STK39: variants seen among roughly 807,000 people sequenced by gnomAD.
STK39 encodes STE20/SPS1-related proline-alanine-rich protein kinase.
In STK39, 20 loss-of-function variants were observed where a neutral mutation model predicts 77.8. That is an observed-to-expected ratio of 0.26 (90% CI 0.18 to 0.37). The LOEUF (loss-of-function observed/expected upper bound fraction) is 0.37. STK39 is among the 10% of genes least tolerant of loss of function. The pLI is 1.00. For missense variants in STK39, 479 were observed against 656.5 expected (o/e 0.73, Z 2.95); for synonymous variants, 246 against 234.1 (o/e 1.05, Z -0.47).
In STK39 at chr2:167,954,692, A is replaced by G. The variant is rs1454642602; in HGVS notation, c.*804T>C. The G allele has an allele frequency of 6.6e-6, 1 of 152,650 alleles. No individual in the cohort carries two copies. Among genetic ancestry groups the G allele is most frequent in the African/African-American group, 2.4e-5 (1 of 41,464 alleles). The allele number at this position is 152,650 out of a possible 1,614,324, so 9.5% of individuals were successfully genotyped here. On this transcript the variant is annotated 3_prime_UTR_variant, in exon 18 of 18. Transcript: ENST00000355999. ...TCCAGAGTAAAGCAGCCTCAGGCAC[A>G]TTCTTAATGTGAAAGTTTGCAAGGC... is the stretch of plus-strand genomic sequence containing the variant.
chr2:168,177,274 C>T (rs1046441793), intron 2 of STK39, among the ~76,000 whole-genome samples: 3 of 151,990 alleles, frequency 2.0e-5, no homozygotes, highest in African/African-American at 7.3e-5. Context: ...TGCTTTGCCT[C>T]GTCCCCGGGC....
chr2:168,105,924 G>C (rs1157334759), intron 10 of STK39, among the ~76,000 whole-genome samples: 1 of 152,224 alleles, frequency 6.6e-6, no homozygotes, highest in East Asian at 1.9e-4. Flanking sequence ...TTACCTTGCA[G>C]TCCTAGTGTA....
intron 10 of STK39, among the ~76,000 whole-genome samples, chr2:168,108,474 G>C (rs552490602): frequency 6.6e-6 from 1 of 152,172 alleles, no homozygotes; most frequent in South Asian, 2.1e-4. Context: ...CTTGAGACTG[G>C]GAGGTCAAGA....
chr2:168,172,975 C>T (rs1003971152), intron 2 of STK39, among the ~76,000 whole-genome samples: 28 of 152,290 alleles, frequency 1.8e-4, no homozygotes, highest in Admixed American at 9.2e-4. Flanking sequence ...AGGGAGGCTG[C>T]TGTAAATTGG....
At chr2:168,073,671 C>G (rs1686000982) in intron 12 of STK39, among the ~76,000 whole-genome samples, 1 of 152,140 alleles carries the variant, frequency 6.6e-6, no homozygotes, top group Non-Finnish European at 1.5e-5. Flanking sequence ...CTCTGTCACC[C>G]AGGTTGGAGT....
intron 10 of STK39, among the ~76,000 whole-genome samples, chr2:168,084,190 G>C (rs374655594): frequency 2.0e-5 from 3 of 152,288 alleles, no homozygotes; most frequent in Admixed American, 6.5e-5. Flanking sequence ...ATGGTGGGGG[G>C]AAGGGAGAAT....
chr2:168,057,934 A>G (rs1215649011), intron 14 of STK39, among the ~76,000 whole-genome samples: 3 of 152,122 alleles, frequency 2.0e-5, no homozygotes, highest in Non-Finnish European at 2.9e-5. Context: ...CCATCTGAGA[A>G]CATCAGTCTG....
chr2:167,983,170 C>T (rs866536131), intron 16 of STK39, among the ~76,000 whole-genome samples: 1 of 152,124 alleles, frequency 6.6e-6, no homozygotes, highest in African/African-American at 2.4e-5. Context: ...GAAGAATGTA[C>T]TTCATAGCAT....
chr2:168,238,047 C>A (rs1217619296), intron 1 of STK39, among the ~76,000 whole-genome samples: 1 of 152,140 alleles, frequency 6.6e-6, no homozygotes, highest in East Asian at 1.9e-4. Flanking sequence ...AAATGTAATC[C>A]TTTTTCAATC....
chr2:168,151,834 C>A (rs1178532157), intron 5 of STK39, among the ~76,000 whole-genome samples: 1 of 152,032 alleles, frequency 6.6e-6, no homozygotes, highest in Non-Finnish European at 1.5e-5. Flanking sequence ...AATCAAGACA[C>A]CACAGGCTTA....
chr2:168,211,788 C>G (rs1689897473), intron 1 of STK39, among the ~76,000 whole-genome samples: 1 of 152,178 alleles, frequency 6.6e-6, no homozygotes, highest in African/African-American at 2.4e-5. Flanking sequence ...AACACCTCCT[C>G]TTTCTGCACA....
At chr2:168,206,402 G>A (rs1241318887) in intron 1 of STK39, among the ~76,000 whole-genome samples, 1 of 151,792 alleles carries the variant, frequency 6.6e-6, no homozygotes, top group East Asian at 1.9e-4. Context: ...CTGGATTCAA[G>A]TGATTCTCCT....
chr2:168,166,338 T>C (rs867906397), intron 3 of STK39, among the ~76,000 whole-genome samples: 3 of 152,230 alleles, frequency 2.0e-5, no homozygotes, highest in Non-Finnish European at 4.4e-5. Flanking sequence ...CTGATAGTGA[T>C]GTTAGAAGAT....
At chr2:168,188,217 C>A (rs767105309) in intron 1 of STK39, among the ~76,000 whole-genome samples, 10 of 152,198 alleles carry the variant, frequency 6.6e-5, no homozygotes, top group Non-Finnish European at 1.3e-4. Context: ...TCAAAGCCCA[C>A]AGGCCAGTCA....
chr2:167,973,616 C>A (rs1683176612), intron 16 of STK39, among the ~76,000 whole-genome samples: 1 of 152,140 alleles, frequency 6.6e-6, no homozygotes, highest in African/African-American at 2.4e-5. Flanking sequence ...ACCATTATAA[C>A]ATATGATTGA....
chr2:168,017,031 A>G lies in STK39; in HGVS notation c.1429+12T>C. 1 of 1,594,418 alleles carries G rather than the reference A, an allele frequency of 6.3e-7. No homozygotes were observed. Among genetic ancestry groups the G allele is most frequent in the Non-Finnish European group, 8.5e-7 (1 of 1,170,260 alleles). ...TTGAGGCAATAAAATAATAACTTCA[A>G]TTAAAACTTACCTCTTCCTGGAGTA... On this transcript the variant is annotated intron_variant, in intron 15 of 17. Coordinates refer to ENST00000355999, the MANE Select transcript of STK39 (RefSeq NM_013233.3).
chr2:168,003,132 C>A (rs1263637030), intron 16 of STK39, among the ~76,000 whole-genome samples: 1 of 152,154 alleles, frequency 6.6e-6, no homozygotes, highest in African/African-American at 2.4e-5. Flanking sequence ...TACAGGCACA[C>A]ACCACCAGCT....
At chr2:168,231,685 T>C (rs1021484642) in intron 1 of STK39, among the ~76,000 whole-genome samples, 3 of 152,166 alleles carry the variant, frequency 2.0e-5, no homozygotes, top group Non-Finnish European at 4.4e-5. Flanking sequence ...GAAAAACCAC[T>C]AACTAATCTA....
intron 7 of STK39, among the ~76,000 whole-genome samples, chr2:168,139,406 A>T (rs62194179): frequency 4.2e-4 from 28 of 66,502 alleles, no homozygotes; most frequent in African/African-American, 1.5e-3. Flanking sequence ...GTTAAAAAAA[A>T]TTTATATATA....
Sources: allele counts gnomAD v4.1 joint callset (sites outside exome capture counted in the v4.1 genomes callset), GRCh38; gene constraint gnomAD v4.1.1; transcripts MANE v1.5; gene names NCBI Gene and HGNC (gene_info 2026-07-23, HGNC 2026-07-21).